Variants in SV2C observed in about 807,000 individuals in gnomAD.
SV2C encodes synaptic vesicle glycoprotein 2C, also known as solute carrier family 22 member B3.
A neutral mutation model predicts 79.7 loss-of-function variants in SV2C; 49 were observed. The observed-to-expected ratio is 0.61, with a 90% CI of 0.49 to 0.78. The LOEUF (loss-of-function observed/expected upper bound fraction) is 0.78. Among genes scored for constraint, SV2C ranks in the 30% least tolerant of loss-of-function variants. SV2C has a pLI of 0.00. For synonymous variants in SV2C, 334 were observed against 333.2 expected (o/e 1.00, Z -0.03); for missense variants, 833 against 912.9 (o/e 0.91, Z 1.13).
chr5:76,127,579 G>A (rs1035833584), intron 1 of SV2C, among the ~76,000 whole-genome samples: 2 of 152,194 alleles, frequency 1.3e-5, no homozygotes, highest in African/African-American at 4.8e-5. Flanking sequence ...GGTTTTACAG[G>A]AGATACTGCT....
chr5:76,121,682 T>C (rs961497907), intron 1 of SV2C, among the ~76,000 whole-genome samples: 63 of 151,994 alleles, frequency 4.1e-4, no homozygotes, highest in African/African-American at 1.4e-3. Flanking sequence ...TAGTTGTAGA[T>C]ATGCGGCGTT....
At chr5:76,265,247 C>T (rs910419631) in intron 4 of SV2C, among the ~76,000 whole-genome samples, 4 of 152,162 alleles carry the variant, frequency 2.6e-5, no homozygotes, top group East Asian at 3.9e-4. Context: ...TCCTTAGTGC[C>T]GACAGTGGGA....
chr5:76,048,578 G>A, the SV2C span, among the ~76,000 whole-genome samples: 88,180 of 151,870 alleles, frequency 0.58, 27,601 homozygotes, highest in African/African-American at 0.82. Context: ...CCTTTAAAAA[G>A]GTGATGAAGT....
the SV2C span, among the ~76,000 whole-genome samples, chr5:75,983,476 T>C: frequency 2.6e-5 from 4 of 151,986 alleles, no homozygotes; most frequent in Non-Finnish European, 5.9e-5. Context: ...CAATCACCGA[T>C]GGTCATGAGT....
chr5:75,911,728 A>G, the SV2C span: 1 of 651,138 alleles, frequency 1.5e-6, no homozygotes, highest in Admixed American at 1.8e-5. Context: ...GATGGAAGAC[A>G]AGAAAGAGGA....
chr5:75,893,788 C>T, the SV2C span, among the ~76,000 whole-genome samples: 3 of 151,868 alleles, frequency 2.0e-5, no homozygotes, highest in African/African-American at 7.2e-5. Flanking sequence ...TTTTGAGCCA[C>T]CAAATGTACT....
chr5:76,270,604 A>G (rs1746815707), intron 4 of SV2C, among the ~76,000 whole-genome samples: 1 of 152,190 alleles, frequency 6.6e-6, no homozygotes, highest in South Asian at 2.1e-4. Context: ...CTATGACACT[A>G]CAGAATAGCT....
At chr5:75,899,364 TG>T in the SV2C span, among the ~76,000 whole-genome samples, 176 of 152,358 alleles carry the variant, frequency 1.2e-3, 1 homozygote, top group African/African-American at 4.0e-3. Flanking sequence ...TCATTTTCCA[TG>T]TAGTTGAGTG....
the SV2C span, among the ~76,000 whole-genome samples, chr5:75,941,022 G>A: frequency 1.3e-5 from 2 of 152,178 alleles, no homozygotes; most frequent in Non-Finnish European, 2.9e-5. Flanking sequence ...AGCTGTTAAA[G>A]TTTATAAGCT....
At chr5:76,190,367 G>A (rs1006770410) in intron 2 of SV2C, among the ~76,000 whole-genome samples, 7 of 152,100 alleles carry the variant, frequency 4.6e-5, no homozygotes, top group Admixed American at 1.3e-4. Context: ...GGGATCTACC[G>A]CCATATCACC....
chr5:76,228,031 T>G (rs1030774436), intron 4 of SV2C, among the ~76,000 whole-genome samples: 1 of 152,120 alleles, frequency 6.6e-6, no homozygotes, highest in Non-Finnish European at 1.5e-5. Context: ...TTCTCAGGCT[T>G]CTGGGGTTCT....
At chr5:76,245,936 A>ATGTGTGTGTGTGTGTGTGTGTGTGTGTG in intron 4 of SV2C, among the ~76,000 whole-genome samples, 1 of 129,048 alleles carries the variant, frequency 7.7e-6, no homozygotes, top group Non-Finnish European at 1.8e-5. Context: ...GTGTGTGTGT[A>ATGTGTGTGTGTGTGTGTGTGTGTGTGTG]TGTGTGTGTG....
the SV2C span, among the ~76,000 whole-genome samples, chr5:76,074,292 A>T: frequency 6.6e-6 from 1 of 151,800 alleles, no homozygotes; most frequent in South Asian, 2.1e-4. Context: ...ATGCGGTTCC[A>T]CTCTTCTCAG....
At chr5:76,014,152 GGAAA>G in the SV2C span, among the ~76,000 whole-genome samples, 1 of 108,016 alleles carries the variant, frequency 9.3e-6, no homozygotes, top group African/African-American at 3.1e-5. Context: ...AAGGAAGGAA[GGAAA>G]GAAGGAAGGA....
the SV2C span, among the ~76,000 whole-genome samples, chr5:75,876,267 G>C: frequency 2.0e-5 from 3 of 151,838 alleles, no homozygotes; most frequent in East Asian, 5.8e-4. Context: ...TGTCTTTTTT[G>C]GGAACATGGA....
chr5:75,966,335 T>C, the SV2C span, among the ~76,000 whole-genome samples: 3,169 of 152,296 alleles, frequency 0.021, 81 homozygotes, highest in African/African-American at 0.057. Context: ...AATCATACTT[T>C]TGGTAGTCAA....
chr5:76,132,360 C>A (rs753578474), intron 2 of SV2C, 30 bp downstream of exon 2: 1 of 1,560,364 alleles, frequency 6.4e-7, no homozygotes, highest in South Asian at 1.2e-5. Context: ...GAGGCCAACT[C>A]TGAAACTGGC....
chr5:76,267,096 G>T (rs951634227), intron 4 of SV2C, among the ~76,000 whole-genome samples: 1 of 152,176 alleles, frequency 6.6e-6, no homozygotes, highest in Non-Finnish European at 1.5e-5. Context: ...TTGGGAGGGC[G>T]ACATTCCTGA....
At chr5:76,226,432 G>A (rs371971389) in intron 4 of SV2C, among the ~76,000 whole-genome samples, 1 of 152,082 alleles carries the variant, frequency 6.6e-6, no homozygotes, top group Non-Finnish European at 1.5e-5. Context: ...AGCCCAGTTT[G>A]GCCAGATCTG....
Sources: allele counts gnomAD v4.1 joint callset (sites outside exome capture counted in the v4.1 genomes callset), GRCh38; gene constraint gnomAD v4.1.1; transcripts MANE v1.5; gene names NCBI Gene and HGNC (gene_info 2026-07-23, HGNC 2026-07-21).